RASGEF1B: variants seen among roughly 807,000 people sequenced by gnomAD.
RASGEF1B encodes RasGEF domain family member 1B.
A neutral mutation model predicts 65.7 loss-of-function variants in RASGEF1B; 30 were observed. The observed-to-expected ratio is 0.46, with a 90% CI of 0.34 to 0.62. The LOEUF (loss-of-function observed/expected upper bound fraction) is 0.62, where lower values mean the gene tolerates loss of function less well. Among genes scored for constraint, RASGEF1B ranks in the 20% least tolerant of loss-of-function variants. The probability of loss-of-function intolerance (pLI) is 0.01; values close to 1 mark genes in which losing one functional copy is unlikely to be tolerated. For synonymous variants in RASGEF1B, 175 were observed against 194.8 expected (o/e 0.90, Z 0.85); for missense variants, 495 against 580.1 (o/e 0.85, Z 1.51).
intron 4 of RASGEF1B, 195 bp downstream of exon 4, chr4:81,456,456 T>G: frequency 1.4e-6 from 1 of 707,924 alleles, no homozygotes; most frequent in South Asian, 1.5e-5. Context: ...AAACTCTAGA[T>G]CATATCCCTT....
chr4:81,441,247 C>T (rs1721824786), intron 9 of RASGEF1B, among the ~76,000 whole-genome samples: 2 of 152,080 alleles, frequency 1.3e-5, no homozygotes, highest in South Asian at 4.1e-4. Context: ...TTCCTGTTTG[C>T]ATCTGAAGGT....
At chr4:81,435,417 CAAAAAAAAAAA>C (rs754067756) in intron 10 of RASGEF1B, among the ~76,000 whole-genome samples, 2 of 55,384 alleles carry the variant, frequency 3.6e-5, no homozygotes, top group East Asian at 1.6e-3. Flanking sequence ...GACTCCCTCT[CAAAAAAAAAAA>C]AAAAAAAAAA....
At chr4:81,469,375 A>C (rs1578646759) in intron 1 of RASGEF1B, among the ~76,000 whole-genome samples, 1 of 152,190 alleles carries the variant, frequency 6.6e-6, no homozygotes, top group Middle Eastern at 3.4e-3. Context: ...TCCCAAGTCC[A>C]ATTCTTCCAG....
At chr4:81,456,292 G>A in intron 4 of RASGEF1B, 1 of 577,514 alleles carries the variant, frequency 1.7e-6, no homozygotes, top group Admixed American at 3.4e-5. Flanking sequence ...ATCCACTAGT[G>A]TTTATGTCTA....
intron 3 of RASGEF1B, among the ~76,000 whole-genome samples, chr4:81,457,197 A>G (rs1019140704): frequency 6.6e-6 from 1 of 152,000 alleles, no homozygotes; most frequent in Admixed American, 6.6e-5. Flanking sequence ...TTGTATTTTC[A>G]GTAGAGGTGG....
At chr4:81,445,384 A>C (rs1560700423) in intron 8 of RASGEF1B, 142 bp downstream of exon 8, 2 of 656,848 alleles carry the variant, frequency 3.0e-6, no homozygotes, top group Non-Finnish European at 5.4e-6. Context: ...TGGCTATTTA[A>C]AGCATTTTGG....
chr4:81,457,237 A>T (rs1178134307), intron 3 of RASGEF1B, among the ~76,000 whole-genome samples: 1 of 152,134 alleles, frequency 6.6e-6, no homozygotes, highest in Non-Finnish European at 1.5e-5. Flanking sequence ...GCTGGTCTCA[A>T]AACTCCTGAC....
At chr4:81,435,477 TTTTTTTTTTGAGATGGAG>T (rs1447290089) in intron 10 of RASGEF1B, among the ~76,000 whole-genome samples, 1 of 133,520 alleles carries the variant, frequency 7.5e-6, no homozygotes, top group African/African-American at 2.8e-5. Context: ...TTTTTTTTTT[TTTTTTTTTTGAGATGGAG>T]TCTCGCTCTG....
At chr4:81,436,738 T>C (rs1165370598) in intron 10 of RASGEF1B, among the ~76,000 whole-genome samples, 1 of 152,220 alleles carries the variant, frequency 6.6e-6, no homozygotes, top group Admixed American at 6.5e-5. Flanking sequence ...ACAGAAAACA[T>C]ACTTTTGGGC....
chr4:81,450,882 C>G (rs1458493592), intron 4 of RASGEF1B: 3 of 152,120 alleles, frequency 2.0e-5, no homozygotes, highest in Non-Finnish European at 4.4e-5. Flanking sequence ...AGCAAACAAA[C>G]AAACAAAATC....
chr4:81,449,549 G>C (rs1722174444), intron 4 of RASGEF1B, among the ~76,000 whole-genome samples: 1 of 152,144 alleles, frequency 6.6e-6, no homozygotes, highest in Non-Finnish European at 1.5e-5. Flanking sequence ...CTGTATCAGA[G>C]AAAGGCACAC....
At chr4:81,455,542 T>A (rs1350559481) in intron 4 of RASGEF1B, 1 of 152,238 alleles carries the variant, frequency 6.6e-6, no homozygotes. Flanking sequence ...ACGAATAAAA[T>A]GCAACATCAT....
Position 81,427,645 on chromosome 4 carries a change from G to T in RASGEF1B, c.*123C>A. ...GTGAGCTTGTGTGCTTTGCTGACCC[G>T]GGTGCTCCAATGACTGCAGGGTCTT... On this transcript the variant is annotated 3_prime_UTR_variant, in exon 14 of 14. Coordinates refer to ENST00000264400, the MANE Select transcript of RASGEF1B (RefSeq NM_152545.3). 2.0e-6 allele frequency: 2 copies of T among 1,015,430 alleles called. No individual in the cohort carries two copies. Among genetic ancestry groups the T allele is most frequent in the East Asian group, 2.6e-5 (1 of 39,202 alleles). The allele number at this position is 1,015,430 out of a possible 1,614,324, so 62.9% of individuals were successfully genotyped here.
intron 12 of RASGEF1B, 111 bp downstream of exon 12, chr4:81,433,729 C>T (rs1462573980): frequency 5.5e-6 from 6 of 1,090,518 alleles, no homozygotes; most frequent in African/African-American, 1.6e-5. Flanking sequence ...TAACATGGAA[C>T]AGATCAGAGG....
At chr4:81,470,976 G>C (rs545339625) in intron 1 of RASGEF1B, 2 of 152,280 alleles carry the variant, frequency 1.3e-5, no homozygotes, top group African/African-American at 4.8e-5. Flanking sequence ...AGCTCCCTTA[G>C]AAAGAACCTC....
rs761300367 is a variant in RASGEF1B at position 81,456,677 on chromosome 4, C to T, written c.412G>A (p.Ala138Thr). 6.2e-7 allele frequency: 1 copy of T among 1,614,168 alleles called. No homozygotes were observed. The highest frequency in any genetic ancestry group is 2.2e-5 in the East Asian group (1 of 44,878). The change falls in exon 4 of 14, where the codon GCT becomes ACT. Residue 138 changes from alanine to threonine, a missense_variant. Ala to Thr is a moderately conservative substitution (Grantham distance 58, BLOSUM62 0). Coordinates refer to ENST00000264400, the MANE Select transcript of RASGEF1B (RefSeq NM_152545.3). ...TCTTCGCCACTGGCTATTCGGTGAGCCAGATCTTTTAAGTTTCTCATCATT... is the reference window on the plus strand; with the variant it reads ...TCTTCGCCACTGGCTATTCGGTGAGTCAGATCTTTTAAGTTTCTCATCATT... ...ERMMRNLKDL[A>T]HRIASGEEQT...
At chr4:81,454,932 A>G (rs1034622786) in intron 4 of RASGEF1B, 2 of 152,222 alleles carry the variant, frequency 1.3e-5, no homozygotes, top group Non-Finnish European at 2.9e-5. Flanking sequence ...TAAAATGTTT[A>G]TATCTATTAA....
At position 81,435,647 on chromosome 4, in the gene RASGEF1B, T is replaced by C. The variant is rs1303284254; in HGVS notation, c.1105-913A>G. On this transcript the variant is annotated intron_variant, in intron 10 of 13. Transcript: ENST00000264400. ...TCATGCCCGGCTAATTTTTTTTTTT[T>C]GTATTTTTTAGTAGAGACAGGGTTT... Among the ~76,000 whole-genome samples the C allele has an allele frequency of 2.7e-5, 4 of 148,144 alleles. No homozygotes were observed. In the East Asian group the frequency reaches 8.1e-4, roughly 30 times the overall value.
In RASGEF1B at chr4:81,427,630, G is replaced by A. The variant is rs1190266982; in HGVS notation, c.*138C>T. The A allele has an allele frequency of 3.1e-5, 25 of 803,594 alleles. No homozygotes were observed. The South Asian group carries it at 4.4e-4, about 14-fold the overall frequency. 49.8% of individuals were successfully genotyped at this position (803,594 alleles called of 1,614,324 possible). ...TCCATCTGGTCTTGAGTGAGCTTGT[G>A]TGCTTTGCTGACCCGGGTGCTCCAA... On this transcript the variant is annotated 3_prime_UTR_variant, in exon 14 of 14. Coordinates refer to ENST00000264400, the MANE Select transcript of RASGEF1B (RefSeq NM_152545.3).
Sources: gnomAD v4.1 joint callset for allele counts (sites outside exome capture counted in the v4.1 genomes callset) on GRCh38, gnomAD v4.1.1 for gene constraint, MANE v1.5 for transcripts, NCBI Gene and HGNC (gene_info 2026-07-23, HGNC 2026-07-21) for gene names.